The following WDPCP variants were observed in gnomAD, a reference collection of about 807,000 sequenced individuals.
WDPCP encodes the protein WD repeat containing planar cell polarity effector.
A neutral mutation model predicts 93.1 loss-of-function variants in WDPCP; 71 were observed. That is an observed-to-expected ratio of 0.76 (90% CI 0.63 to 0.93). WDPCP has a LOEUF of 0.93. Ranked by LOEUF, WDPCP falls within the 40% of genes least tolerant of loss-of-function variation. WDPCP has a pLI of 0.00. For synonymous variants in WDPCP, 315 were observed against 315.0 expected, an observed-to-expected ratio of 1.00 and a Z score of 0.00; for missense variants, 844 against 887.4, an observed-to-expected ratio of 0.95 and a Z score of 0.62.
intron 6 of WDPCP, among the ~76,000 whole-genome samples, chr2:63,479,376 T>G (rs1214664417): frequency 6.6e-6 from 1 of 151,612 alleles, no homozygotes; most frequent in Non-Finnish European, 1.5e-5. Flanking sequence ...GGAAAGGACA[T>G]AACAAAAAAA....
At chr2:63,538,266 A>C (rs1704455531) in intron 1 of WDPCP, among the ~76,000 whole-genome samples, 1 of 152,148 alleles carries the variant, frequency 6.6e-6, no homozygotes, top group African/African-American at 2.4e-5. Context: ...TAACATGAAA[A>C]ATTACAAAAT....
At chr2:63,588,885 G>T (rs1709072384), upstream of WDPCP, 1 of 906,918 alleles carries the variant, frequency 1.1e-6, no homozygotes, top group African/African-American at 1.6e-5. Context: ...CCACAACCAG[G>T]GCAGCGTAAA....
chr2:63,362,478 G>T (rs182028112), intron 12 of WDPCP, among the ~76,000 whole-genome samples: 1 of 152,116 alleles, frequency 6.6e-6, no homozygotes, highest in East Asian at 1.9e-4. Flanking sequence ...ATAGTACCCA[G>T]TACTGCCAGG....
chr2:63,268,906 C>T (rs1575023090), intron 13 of WDPCP, among the ~76,000 whole-genome samples: 1 of 152,112 alleles, frequency 6.6e-6, no homozygotes, highest in Non-Finnish European at 1.5e-5. Context: ...TTGTACCCCA[C>T]AAATATACAC....
At chr2:63,732,681 T>A (rs1669579313) in intron 2 of WDPCP, among the ~76,000 whole-genome samples, 1 of 152,102 alleles carries the variant, frequency 6.6e-6, no homozygotes, top group African/African-American at 2.4e-5. Flanking sequence ...ATTTAAGAAA[T>A]GATGGTTCTA....
intron 9 of WDPCP, among the ~76,000 whole-genome samples, chr2:63,405,586 T>TGTGTGTGTGTGTGTGTG (rs1491184912): frequency 9.1e-5 from 9 of 98,938 alleles, no homozygotes; most frequent in African/African-American, 2.9e-4. Context: ...TGTGTGTGTG[T>TGTGTGTGTGTGTGTGTG]TGGCGGGGGT....
At chr2:63,504,729 G>A (rs1482550048) in intron 1 of WDPCP, among the ~76,000 whole-genome samples, 1 of 151,952 alleles carries the variant, frequency 6.6e-6, no homozygotes, top group African/African-American at 2.4e-5. Flanking sequence ...ACTATCTTCT[G>A]ACCAACTTTT....
intron 9 of WDPCP, among the ~76,000 whole-genome samples, chr2:63,412,068 C>A (rs1178650944): frequency 6.6e-6 from 1 of 152,060 alleles, no homozygotes; most frequent in Non-Finnish European, 1.5e-5. Context: ...CAGGAAAGGA[C>A]ATAACCAAAA....
intron 2 of WDPCP, among the ~76,000 whole-genome samples, chr2:63,714,266 G>A (rs1669303199): frequency 6.6e-6 from 1 of 151,634 alleles, no homozygotes; most frequent in Non-Finnish European, 1.5e-5. Flanking sequence ...CACCATCTTG[G>A]CCAGCTGGTC....
chr2:63,251,941 C>A (rs1457104074), intron 14 of WDPCP, among the ~76,000 whole-genome samples: 1 of 151,654 alleles, frequency 6.6e-6, no homozygotes, highest in Non-Finnish European at 1.5e-5. Flanking sequence ...TTCTATGAAG[C>A]CAGAACCACC....
chr2:63,521,565 C>G (rs948652184), intron 1 of WDPCP, among the ~76,000 whole-genome samples: 1 of 152,100 alleles, frequency 6.6e-6, no homozygotes, highest in Non-Finnish European at 1.5e-5. Flanking sequence ...TAGATAAACA[C>G]ACAATAATAC....
At chr2:63,816,887 T>C (rs1365210579) in intron 1 of WDPCP, among the ~76,000 whole-genome samples, 1 of 152,216 alleles carries the variant, frequency 6.6e-6, no homozygotes, top group Non-Finnish European at 1.5e-5. Flanking sequence ...GTGCACTGTG[T>C]AATTTTATTT....
At chr2:63,308,169 G>C (rs1037485636) in intron 13 of WDPCP, among the ~76,000 whole-genome samples, 1 of 152,194 alleles carries the variant, frequency 6.6e-6, no homozygotes, top group Non-Finnish European at 1.5e-5. Flanking sequence ...GGTCATTAGA[G>C]AAATGCAAAT....
At chr2:63,547,250 A>G (rs1705220459) in intron 1 of WDPCP, among the ~76,000 whole-genome samples, 1 of 152,170 alleles carries the variant, frequency 6.6e-6, no homozygotes, top group Non-Finnish European at 1.5e-5. Flanking sequence ...CCAAAAAACA[A>G]CATATGCTGA....
chr2:63,714,590 G>A (rs919438064), intron 2 of WDPCP, among the ~76,000 whole-genome samples: 1 of 152,088 alleles, frequency 6.6e-6, no homozygotes, highest in East Asian at 1.9e-4. Flanking sequence ...AGCACTTTGG[G>A]AGGCCGAGGC....
chr2:63,423,000 A>G (rs1280295448), intron 9 of WDPCP, among the ~76,000 whole-genome samples: 1 of 152,250 alleles, frequency 6.6e-6, no homozygotes, highest in African/African-American at 2.4e-5. Flanking sequence ...TAAAAGCTAT[A>G]TGGGTATACA....
chr2:63,563,739 G>C (rs13424973), intron 1 of WDPCP, among the ~76,000 whole-genome samples: 1 of 152,026 alleles, frequency 6.6e-6, no homozygotes, highest in African/African-American at 2.4e-5. Flanking sequence ...CCTTAAAAAA[G>C]AGAAAGAAAA....
intron 2 of WDPCP, among the ~76,000 whole-genome samples, chr2:63,797,953 A>G (rs1274414157): frequency 6.6e-6 from 1 of 152,212 alleles, no homozygotes; most frequent in African/African-American, 2.4e-5. Context: ...CAAATAACAT[A>G]CAATGGAGCT....
In WDPCP at chr2:63,460,297, T is replaced by C. The variant is rs149946630; in HGVS notation, c.385-20426A>G. Among the ~76,000 whole-genome samples the C allele has an allele frequency of 5.5e-4, 84 of 152,040 alleles. 2 individuals carry two copies. In the East Asian group the frequency reaches 0.016, roughly 28 times the overall value. On this transcript the variant is annotated intron_variant, in intron 6 of 17. Coordinates refer to ENST00000272321, the MANE Select transcript of WDPCP (RefSeq NM_015910.7). ...AGCTAAAAGCTTGACCTCATGGACA[T>C]AGAGAATAGAAGGCACAGATACCAA...
Sources: allele counts gnomAD v4.1 joint callset (sites outside exome capture counted in the v4.1 genomes callset), GRCh38; gene constraint gnomAD v4.1.1; transcripts MANE v1.5; gene names NCBI Gene and HGNC (gene_info 2026-07-23, HGNC 2026-07-21).